The following CCSER1 variants were observed in gnomAD, a reference collection of about 807,000 sequenced individuals.
CCSER1 encodes the protein serine-rich coiled-coil domain-containing protein 1.
A neutral mutation model predicts 82.0 loss-of-function variants in CCSER1; 41 were observed. The ratio of observed to expected loss-of-function variants is 0.50; its 90% confidence interval spans 0.39 to 0.65. The LOEUF (loss-of-function observed/expected upper bound fraction) is 0.65, where lower values mean the gene tolerates loss of function less well. Among genes scored for constraint, CCSER1 ranks in the 30% least tolerant of loss-of-function variants. CCSER1 has a pLI of 0.00. For missense variants in CCSER1, 1,119 were observed against 1,064.2 expected (o/e 1.05, Z -0.72); for synonymous variants, 414 against 383.9 (o/e 1.08, Z -0.92).
intron 10 of CCSER1, among the ~76,000 whole-genome samples, chr4:91,539,572 T>TG (rs1310964435): frequency 2.0e-5 from 3 of 152,096 alleles, no homozygotes; most frequent in African/African-American, 7.2e-5. Context: ...TCCATGGTAT[T>TG]GCTAGTGGTT....
intron 10 of CCSER1, among the ~76,000 whole-genome samples, chr4:91,113,621 G>C (rs1276567824): frequency 6.6e-6 from 1 of 152,056 alleles, no homozygotes; most frequent in East Asian, 1.9e-4. Flanking sequence ...TTTCCCAATG[G>C]ATTAAATCTT....
intron 4 of CCSER1, among the ~76,000 whole-genome samples, chr4:90,411,497 A>C (rs375331329): frequency 0.01 from 1,538 of 152,350 alleles, 17 homozygotes; most frequent in South Asian, 0.03. Flanking sequence ...GTAATCCAGC[A>C]TATAAACAGA....
At chr4:91,501,163 G>A (rs1018598071) in intron 10 of CCSER1, among the ~76,000 whole-genome samples, 3 of 151,698 alleles carry the variant, frequency 2.0e-5, no homozygotes, top group African/African-American at 7.3e-5. Flanking sequence ...ACATTGTCAA[G>A]ACACTTGGAT....
At chr4:90,784,878 T>C (rs11726378) in intron 7 of CCSER1, among the ~76,000 whole-genome samples, 20,027 of 152,108 alleles carry the variant, frequency 0.13, 1,604 homozygotes, top group Non-Finnish European at 0.18. Context: ...AAGGAAATCA[T>C]AAGAAAAAGA....
intron 4 of CCSER1, among the ~76,000 whole-genome samples, chr4:90,400,632 C>A (rs1325852317): frequency 6.6e-6 from 1 of 152,040 alleles, no homozygotes; most frequent in Non-Finnish European, 1.5e-5. Flanking sequence ...TAAACATATA[C>A]ACACACATAG....
At chr4:91,389,843 C>T (rs1041481612) in intron 10 of CCSER1, among the ~76,000 whole-genome samples, 1 of 151,874 alleles carries the variant, frequency 6.6e-6, no homozygotes, top group Admixed American at 6.6e-5. Flanking sequence ...GGTGCTAATA[C>T]AAATGGTTAT....
intron 3 of CCSER1, among the ~76,000 whole-genome samples, chr4:90,347,947 A>G (rs1742691031): frequency 6.6e-6 from 1 of 152,176 alleles, no homozygotes; most frequent in Non-Finnish European, 1.5e-5. Context: ...AAAAAAGAAC[A>G]AGATCATGTT....
intron 8 of CCSER1, among the ~76,000 whole-genome samples, chr4:90,816,971 G>A (rs1353655139): frequency 6.6e-6 from 1 of 151,974 alleles, no homozygotes; most frequent in East Asian, 1.9e-4. Context: ...TGTTACTGTG[G>A]CTTTAGAAGA....
intron 9 of CCSER1, among the ~76,000 whole-genome samples, chr4:90,928,647 G>A (rs969820010): frequency 6.6e-6 from 1 of 152,094 alleles, no homozygotes; most frequent in Non-Finnish European, 1.5e-5. Context: ...ACTATGATCA[G>A]AAATTTTAAA....
intron 10 of CCSER1, among the ~76,000 whole-genome samples, chr4:91,297,999 A>T (rs1315350701): frequency 6.6e-6 from 1 of 152,010 alleles, no homozygotes; most frequent in African/African-American, 2.4e-5. Context: ...TTCACAAAGC[A>T]TAATAATAGG....
At chr4:90,877,145 A>G (rs1021145256) in intron 8 of CCSER1, among the ~76,000 whole-genome samples, 4 of 152,144 alleles carry the variant, frequency 2.6e-5, no homozygotes, top group African/African-American at 9.6e-5. Flanking sequence ...CTCACCATAC[A>G]TAAGTGCCTT....
At chr4:90,577,895 T>C (rs184953361) in intron 5 of CCSER1, among the ~76,000 whole-genome samples, 6 of 152,258 alleles carry the variant, frequency 3.9e-5, no homozygotes, top group Non-Finnish European at 8.8e-5. Flanking sequence ...GTTGCTCTAT[T>C]TAATGTTATT....
Position 90,664,999 on chromosome 4 carries a change from C to T in CCSER1, c.1932+36767C>T, listed in dbSNP as rs115340627. Among the ~76,000 whole-genome samples, 647 of 152,162 alleles carry T rather than the reference C, an allele frequency of 4.3e-3. 9 individuals are homozygous for T. Among genetic ancestry groups the T allele is most frequent in the African/African-American group, 0.015 (627 of 41,516 alleles). On this transcript the variant is annotated intron_variant, in intron 6 of 10. Transcript: ENST00000509176. ...AGTTCTGTGGAAAAGTAGATGTTTGCGAAGATTACTATATTAAACATTTAA... is the reference window on the plus strand; with the variant it reads ...AGTTCTGTGGAAAAGTAGATGTTTGTGAAGATTACTATATTAAACATTTAA...
intron 10 of CCSER1, among the ~76,000 whole-genome samples, chr4:91,373,760 G>A (rs538616540): frequency 2.6e-5 from 4 of 152,146 alleles, no homozygotes; most frequent in African/African-American, 7.2e-5. Context: ...AAGAAGGCAC[G>A]TCAAAAGCTG....
intron 10 of CCSER1, among the ~76,000 whole-genome samples, chr4:91,219,183 C>T (rs1737531966): frequency 6.6e-6 from 1 of 152,066 alleles, no homozygotes; most frequent in South Asian, 2.1e-4. Flanking sequence ...AAAAACACAT[C>T]TCAAAATTCA....
intron 10 of CCSER1, among the ~76,000 whole-genome samples, chr4:91,509,221 A>G (rs1307621983): frequency 6.6e-6 from 1 of 151,886 alleles, no homozygotes; most frequent in East Asian, 1.9e-4. Context: ...TTTAGGATAG[A>G]CATTTACAGC....
At chr4:91,444,519 G>A (rs971192066) in intron 10 of CCSER1, among the ~76,000 whole-genome samples, 1 of 151,430 alleles carries the variant, frequency 6.6e-6, no homozygotes, top group African/African-American at 2.4e-5. Context: ...GCACCATCTC[G>A]GCTCACTGCA....
chr4:90,743,073 T>G (rs954182782), intron 7 of CCSER1, among the ~76,000 whole-genome samples: 6 of 152,176 alleles, frequency 3.9e-5, no homozygotes, highest in Non-Finnish European at 7.4e-5. Context: ...AAATTAAAAT[T>G]TGGATAATAA....
At chr4:91,261,953 G>C (rs763901667) in intron 10 of CCSER1, among the ~76,000 whole-genome samples, 15 of 152,022 alleles carry the variant, frequency 9.9e-5, no homozygotes, top group Non-Finnish European at 1.8e-4. Context: ...GTGCATGGTA[G>C]ATTTGAGAGT....
Sources: allele counts gnomAD v4.1 joint callset (sites outside exome capture counted in the v4.1 genomes callset), GRCh38; gene constraint gnomAD v4.1.1; transcripts MANE v1.5; gene names NCBI Gene and HGNC (gene_info 2026-07-23, HGNC 2026-07-21).